The following ASAP1 variants were observed in gnomAD, a reference collection of about 807,000 sequenced individuals.
The protein encoded by ASAP1 is arf-GAP with SH3 domain, ANK repeat and PH domain-containing protein 1.
In ASAP1, 43 loss-of-function variants were observed where a neutral mutation model predicts 145.2. That is an observed-to-expected ratio of 0.30 (90% CI 0.23 to 0.38). The LOEUF (loss-of-function observed/expected upper bound fraction) is 0.38, where lower values mean the gene tolerates loss of function less well. Among genes scored for constraint, ASAP1 ranks in the 10% least tolerant of loss-of-function variants. The pLI, the probability that ASAP1 is intolerant of heterozygous loss-of-function variation, is 1.00. For synonymous variants in ASAP1, 546 were observed against 515.5 expected (o/e 1.06, Z -0.80); for missense variants, 1,018 against 1,355.3 (o/e 0.75, Z 3.91).
rs751627419 is a variant in ASAP1, at chr8:130,092,135, C to T, written c.2410G>A (p.Gly804Ser). Reference sequence around the variant, plus strand: ...CTTAGAGGGAGTGTTGAAGGTGGGCCAGTTGGACCTAGAAAGGAAATTGAA... The same window carrying T: ...CTTAGAGGGAGTGTTGAAGGTGGGCTAGTTGGACCTAGAAAGGAAATTGAA... ...PPRNAGKGPT[G>S]PPSTLPLSTQ... Residue 804 changes from glycine (G) to serine (S), a missense_variant, in exon 25 of 30, where the codon GGC becomes AGC. Physicochemically the swap from Gly to Ser is moderately conservative, Grantham distance 56. Around this residue, in one of 9 missense-constraint regions of ASAP1, gnomAD observed 353 missense variants for 375.4 expected, o/e 0.94. Transcript: ENST00000518721. 1 of 1,562,904 alleles carries T rather than the reference C, an allele frequency of 6.4e-7. No individual in the cohort carries two copies. Among genetic ancestry groups the T allele is most frequent in the African/African-American group, 1.4e-5 (1 of 70,706 alleles).
chr8:130,315,925 T>C (rs577073675), intron 3 of ASAP1, among the ~76,000 whole-genome samples: 1 of 152,278 alleles, frequency 6.6e-6, no homozygotes, highest in East Asian at 1.9e-4. Context: ...ACTTATCTAC[T>C]CCCTCTACCT....
intron 3 of ASAP1, among the ~76,000 whole-genome samples, chr8:130,330,385 A>G (rs1057373057): frequency 4.6e-5 from 7 of 152,254 alleles, no homozygotes; most frequent in Admixed American, 1.3e-4. Context: ...TCATGACCTC[A>G]TGTGTGCTCT....
intron 3 of ASAP1, among the ~76,000 whole-genome samples, chr8:130,264,691 G>C (rs1173938771): frequency 6.6e-6 from 1 of 152,172 alleles, no homozygotes; most frequent in Admixed American, 6.5e-5. Flanking sequence ...TAATGTGTTT[G>C]CTCCTCATCC....
intron 3 of ASAP1, among the ~76,000 whole-genome samples, chr8:130,271,935 G>A (rs1210104547): frequency 6.6e-6 from 1 of 152,088 alleles, no homozygotes; most frequent in African/African-American, 2.4e-5. Context: ...TTTTATAATG[G>A]AAGGGGAGGA....
intron 5 of ASAP1, among the ~76,000 whole-genome samples, chr8:130,213,976 G>A (rs997815405): frequency 6.6e-6 from 1 of 152,134 alleles, no homozygotes; most frequent in African/African-American, 2.4e-5. Context: ...GTCTCAGATC[G>A]TTAGGGATTC....
chr8:130,121,380 C>A (rs148030695), intron 18 of ASAP1, among the ~76,000 whole-genome samples: 2 of 152,336 alleles, frequency 1.3e-5, no homozygotes, highest in Admixed American at 6.5e-5. Context: ...CCTCTACCCA[C>A]TGGGTGACAG....
intron 9 of ASAP1, among the ~76,000 whole-genome samples, chr8:130,177,429 T>G (rs1814040490): frequency 6.6e-6 from 1 of 152,248 alleles, no homozygotes; most frequent in Non-Finnish European, 1.5e-5. Context: ...GAGATTCACT[T>G]ATTTCTTTAA....
intron 27 of ASAP1, among the ~76,000 whole-genome samples, chr8:130,061,871 TCTTTGTACAGCTCTTGGTACTTAGAAAA>T (rs1482486814): frequency 6.6e-6 from 1 of 152,342 alleles, no homozygotes; most frequent in East Asian, 1.9e-4. Flanking sequence ...TTTCCATAGC[TCTTTGTACAGCTCTTGGTACTTAGAAAA>T]CTATGGACAT....
chr8:130,311,188 ATCTGTAG>A (rs1171177415), intron 3 of ASAP1, among the ~76,000 whole-genome samples: 1 of 152,222 alleles, frequency 6.6e-6, no homozygotes, highest in Non-Finnish European at 1.5e-5. Context: ...CCAAAATGCC[ATCTGTAG>A]TTATCTGAGT....
intron 13 of ASAP1, among the ~76,000 whole-genome samples, chr8:130,139,076 A>G (rs969943750): frequency 6.6e-6 from 1 of 152,176 alleles, no homozygotes; most frequent in Non-Finnish European, 1.5e-5. Context: ...TCTTGCTACG[A>G]TATTATGTTC....
intron 5 of ASAP1, among the ~76,000 whole-genome samples, chr8:130,190,977 C>T (rs1815096626): frequency 6.6e-6 from 1 of 152,078 alleles, no homozygotes; most frequent in Non-Finnish European, 1.5e-5. Flanking sequence ...CTGTTCACAG[C>T]TATATCCTTA....
At chr8:130,071,991 G>A (rs1448044087) in intron 27 of ASAP1, among the ~76,000 whole-genome samples, 1 of 152,188 alleles carries the variant, frequency 6.6e-6, no homozygotes, top group Non-Finnish European at 1.5e-5. Context: ...AGGCCTCTGA[G>A]GCAGGCCCCT....
At chr8:130,432,382 CTG>C (rs1830168521) in intron 1 of ASAP1, among the ~76,000 whole-genome samples, 1 of 151,824 alleles carries the variant, frequency 6.6e-6, no homozygotes, top group Non-Finnish European at 1.5e-5. Context: ...AACAGCAAGA[CTG>C]TGAAAGTATA....
chr8:130,259,235 T>G (rs762945621), intron 3 of ASAP1, among the ~76,000 whole-genome samples: 2 of 152,240 alleles, frequency 1.3e-5, no homozygotes, highest in African/African-American at 2.4e-5. Context: ...AGAATTTCCC[T>G]TGGGATTTTC....
intron 3 of ASAP1, among the ~76,000 whole-genome samples, chr8:130,284,838 A>C (rs1320036350): frequency 9.5e-6 from 1 of 105,456 alleles, no homozygotes; most frequent in Non-Finnish European, 2.0e-5. Context: ...TTCCTTTTAC[A>C]CTCTACACAC....
At chr8:130,363,761 T>C (rs1316167743) in intron 2 of ASAP1, among the ~76,000 whole-genome samples, 2 of 152,242 alleles carry the variant, frequency 1.3e-5, no homozygotes, top group Non-Finnish European at 2.9e-5. Flanking sequence ...GCCTGCAAAA[T>C]TGGTCTCTTT....
intron 3 of ASAP1, among the ~76,000 whole-genome samples, chr8:130,317,963 A>C (rs1453304251): frequency 1.3e-5 from 2 of 152,222 alleles, no homozygotes; most frequent in African/African-American, 4.8e-5. Flanking sequence ...CTTTTACCAA[A>C]ATAGCTAAAA....
chr8:130,232,863 A>T (rs1333635410), intron 4 of ASAP1, among the ~76,000 whole-genome samples: 1 of 152,170 alleles, frequency 6.6e-6, no homozygotes, highest in African/African-American at 2.4e-5. Flanking sequence ...AAAACAAGAA[A>T]ATTATGAAAA....
At chr8:130,442,367 C>T (rs1347481034) in intron 1 of ASAP1, among the ~76,000 whole-genome samples, 1 of 152,160 alleles carries the variant, frequency 6.6e-6, no homozygotes, top group Non-Finnish European at 1.5e-5. Flanking sequence ...CAGTTGTTCT[C>T]AAAGATCTTT....
Sources: gnomAD v4.1 joint callset for allele counts (sites outside exome capture counted in the v4.1 genomes callset) on GRCh38, gnomAD v4.1.1 for gene constraint, gnomAD v4.1.1 regional missense constraint, MANE v1.5 for transcripts, NCBI Gene and HGNC (gene_info 2026-07-23, HGNC 2026-07-21) for gene names.